Variants in NME5 observed in about 807,000 individuals in gnomAD.
NME5 encodes the protein NME/NM23 family member 5, also known as nucleoside diphosphate kinase 5.
A neutral mutation model predicts 21.6 loss-of-function variants in NME5; 18 were observed. The observed-to-expected ratio is 0.83, with a 90% CI of 0.58 to 1.24. NME5 has a LOEUF of 1.24. Among genes scored for constraint, NME5 ranks in the 50% most tolerant of loss-of-function variants. NME5 has a pLI of 0.00. For missense variants in NME5, 223 were observed against 255.4 expected (o/e 0.87, Z 0.86); for synonymous variants, 70 against 80.6 (o/e 0.87, Z 0.71).
At chr5:138,135,346 C>A (rs796446758) in intron 2 of NME5, among the ~76,000 whole-genome samples, 1 of 142,938 alleles carries the variant, frequency 7.0e-6, no homozygotes, top group African/African-American at 2.6e-5. Flanking sequence ...ACTTTTTTTT[C>A]TTTTTCAAGA....
At chr5:138,131,184 T>A (rs1199952157) in intron 2 of NME5, among the ~76,000 whole-genome samples, 2 of 117,230 alleles carry the variant, frequency 1.7e-5, no homozygotes, top group Non-Finnish European at 3.3e-5. Context: ...CTGGCCAACA[T>A]GATGAAACCC....
At chr5:138,129,787 G>A (rs1243208433) in intron 2 of NME5, among the ~76,000 whole-genome samples, 7 of 152,030 alleles carry the variant, frequency 4.6e-5, no homozygotes, top group Non-Finnish European at 8.8e-5. Context: ...GTGAAACCCC[G>A]TCTCTACTAA....
At chr5:138,136,832 G>T (rs931197146) in intron 2 of NME5, among the ~76,000 whole-genome samples, 2 of 151,788 alleles carry the variant, frequency 1.3e-5, no homozygotes, top group Admixed American at 1.3e-4. Context: ...TAGTAGAGAT[G>T]GGGTTTCTCC....
intron 2 of NME5, among the ~76,000 whole-genome samples, chr5:138,135,320 A>C (rs1338959136): frequency 1.5e-5 from 2 of 134,776 alleles, no homozygotes. Flanking sequence ...ACTCCGTCTC[A>C]AAAAAAAAAA....
intron 2 of NME5, among the ~76,000 whole-genome samples, chr5:138,129,862 CAGA>C (rs1340421088): frequency 1.3e-5 from 2 of 152,032 alleles, no homozygotes; most frequent in East Asian, 1.9e-4. Context: ...GAGGCTGAGG[CAGA>C]AGATTTGCTT....
At chr5:138,122,441 TAAAAAAAAAAAA>T (rs70979581) in intron 4 of NME5, among the ~76,000 whole-genome samples, 359 of 34,482 alleles carry the variant, frequency 0.01, 11 homozygotes, top group African/African-American at 0.037. Flanking sequence ...ACTCTGTCTC[TAAAAAAAAAAAA>T]AAAAAAAAAA....
chr5:138,127,690 TTTAC>T, intron 4 of NME5: 1 of 984,942 alleles, frequency 1.0e-6, no homozygotes, highest in Non-Finnish European at 1.2e-6. Flanking sequence ...TTCTCAAAGG[TTTAC>T]AACTTCTCTA....
intron 2 of NME5, among the ~76,000 whole-genome samples, chr5:138,130,034 A>C (rs765752829): frequency 2.0e-5 from 3 of 152,194 alleles, no homozygotes; most frequent in Non-Finnish European, 4.4e-5. Context: ...AGTAAATAAC[A>C]CTTCAATTAA....
intron 4 of NME5, chr5:138,127,470 T>C (rs1751451220): frequency 1.3e-5 from 13 of 976,700 alleles, no homozygotes; most frequent in Non-Finnish European, 1.6e-5. Flanking sequence ...TTTATTTGAA[T>C]GAATATCCAG....
chr5:138,119,284 C>T (rs765057074), intron 4 of NME5, among the ~76,000 whole-genome samples: 4 of 152,190 alleles, frequency 2.6e-5, no homozygotes, highest in Non-Finnish European at 5.9e-5. Context: ...CAGCTCACTG[C>T]AACCTCCAAC....
intron 4 of NME5, among the ~76,000 whole-genome samples, chr5:138,122,680 A>AT (rs70979582): frequency 3.0e-5 from 4 of 131,538 alleles, no homozygotes; most frequent in South Asian, 2.5e-4. Flanking sequence ...AATTTTTTTA[A>AT]TTTTTTTTTT....
chr5:138,131,811 T>C (rs1751575133), intron 2 of NME5, among the ~76,000 whole-genome samples: 1 of 152,020 alleles, frequency 6.6e-6, no homozygotes, highest in Non-Finnish European at 1.5e-5. Flanking sequence ...TGGTGTGATC[T>C]TGGCTCACTG....
intron 2 of NME5, among the ~76,000 whole-genome samples, chr5:138,134,827 G>GC (rs1751656533): frequency 7.9e-6 from 1 of 127,060 alleles, no homozygotes; most frequent in Non-Finnish European, 1.7e-5. Context: ...CCGGGTTCAC[G>GC]CCATTCTCCT....
chr5:138,132,271 AC>A (rs1751588250), intron 2 of NME5, among the ~76,000 whole-genome samples: 1 of 151,982 alleles, frequency 6.6e-6, no homozygotes, highest in African/African-American at 2.4e-5. Flanking sequence ...AATTGCTTGA[AC>A]CCAGGAGGCA....
intron 2 of NME5, among the ~76,000 whole-genome samples, chr5:138,134,851 G>A (rs1343081896): frequency 6.7e-6 from 1 of 150,226 alleles, no homozygotes; most frequent in African/African-American, 2.4e-5. Context: ...TCGTAGCTGG[G>A]ACTACAGGTG....
At chr5:138,135,438 C>A (rs6874361) in intron 2 of NME5, among the ~76,000 whole-genome samples, 151,465 of 151,488 alleles carry the variant, frequency 1, 75,721 homozygotes, top group Middle Eastern at 1. Flanking sequence ...GGGTTCACGC[C>A]ATTCTCCTGC....
Position 138,128,619 on chromosome 5 carries a change from T to A in NME5, c.336-40A>T, listed in dbSNP as rs574838943. 35 of 1,421,284 alleles carry A rather than the reference T, an allele frequency of 2.5e-5. No individual in the cohort carries two copies. In the South Asian group the frequency reaches 4.3e-4, roughly 17 times the overall value. 88.0% of individuals were successfully genotyped at this position (1,421,284 alleles called of 1,614,324 possible). ...GAGATGACGTCCATCCAATCTAACG[T>A]CTATTCCTTACTTTATATGCATGCA... On this transcript the variant is annotated intron_variant, in intron 3 of 5. Transcript: ENST00000265191.
At position 138,115,498 on chromosome 5, in the gene NME5, G is replaced by A; in HGVS notation, c.*183C>T. On this transcript the variant is annotated 3_prime_UTR_variant, in exon 6 of 6. Transcript: ENST00000265191. The stretch of plus-strand genomic sequence containing the variant: ...CATCATTGTTAAAATCATACTCTAA[G>A]CCTATATTTTACCTTAATGTTATCT... The A allele has an allele frequency of 4.7e-6, 2 of 421,578 alleles. No homozygotes were observed. The highest frequency in any genetic ancestry group is 8.4e-6 in the Non-Finnish European group (2 of 239,430). The allele number at this position is 421,578 out of a possible 1,614,324, so 26.1% of individuals were successfully genotyped here.
At chr5:138,125,908 C>A (rs1335076093) in intron 4 of NME5, among the ~76,000 whole-genome samples, 5 of 152,206 alleles carry the variant, frequency 3.3e-5, no homozygotes, top group Non-Finnish European at 5.9e-5. Flanking sequence ...GCCACCACGT[C>A]CAGCCAGCAT....
Sources: gnomAD v4.1 joint callset for allele counts (sites outside exome capture counted in the v4.1 genomes callset) on GRCh38, gnomAD v4.1.1 for gene constraint, MANE v1.5 for transcripts, NCBI Gene and HGNC (gene_info 2026-07-23, HGNC 2026-07-21) for gene names.